IDH1: variants seen among roughly 807,000 people sequenced by gnomAD.
IDH1 encodes the protein isocitrate dehydrogenase (NADP(+)) 1, also known as isocitrate dehydrogenase [NADP] cytoplasmic.
Under a neutral mutation model 46.1 loss-of-function variants are expected in IDH1, and 33 were observed. That is an observed-to-expected ratio of 0.72 (90% CI 0.54 to 0.96). The LOEUF is 0.96. Ranked by LOEUF, IDH1 falls within the 40% of genes least tolerant of loss-of-function variation. The probability of loss-of-function intolerance (pLI) is 0.00; values close to 1 mark genes in which losing one functional copy is unlikely to be tolerated. For missense variants in IDH1, 421 were observed against 515.7 expected (o/e 0.82, Z 1.78); for synonymous variants, 144 against 172.8 (o/e 0.83, Z 1.31).
At chr2:208,251,383 C>A (rs2124867802) in intron 3 of IDH1, 47 bp downstream of exon 3, 1 of 1,608,020 alleles carries the variant, frequency 6.2e-7, no homozygotes, top group South Asian at 1.1e-5. Flanking sequence ...CATGCCCAGC[C>A]AGATTATCCT....
intron 3 of IDH1, among the ~76,000 whole-genome samples, chr2:208,250,054 A>G (rs1688094416): frequency 2.0e-5 from 3 of 151,880 alleles, no homozygotes; most frequent in East Asian, 1.9e-4. Flanking sequence ...TCTCCTGAAA[A>G]AGAACCAGTC....
intron 4 of IDH1, among the ~76,000 whole-genome samples, chr2:208,247,178 T>C (rs773657052): frequency 1.4e-4 from 21 of 152,170 alleles, no homozygotes; most frequent in Admixed American, 4.6e-4. Flanking sequence ...CTCAACACAC[T>C]GTTTTCAATG....
chr2:208,240,344 C>A (rs1241351605), intron 7 of IDH1: 2 of 297,842 alleles, frequency 6.7e-6, no homozygotes, highest in African/African-American at 4.3e-5. Context: ...GGAGTAATAA[C>A]AGCACCTACT....
At chr2:208,243,369 T>C (rs1185158100) in intron 6 of IDH1, 58 bp downstream of exon 6, 3 of 1,245,104 alleles carry the variant, frequency 2.4e-6, no homozygotes, top group Admixed American at 3.4e-5. Flanking sequence ...ACATACTCTA[T>C]ATGCAAATGT....
chr2:208,242,206 A>C, intron 6 of IDH1, 61 bp from the exon 7 acceptor site: 1 of 1,485,722 alleles, frequency 6.7e-7, no homozygotes, highest in South Asian at 1.1e-5. Context: ...TAGGGATATC[A>C]TCTGCTTGTC....
rs1687928416 is a variant in IDH1 at position 208,242,040 on chromosome 2, G to A, written c.804C>T (p.Ala268=). ...GCACGTCACCATCATAGTTTTTACA[G>A]GCCCAGATGAAGCCTCCCTCTGATT... ...AMKSEGGFIW[A]CKNYDGDVQS... is the part of the protein sequence containing the mutation. Residue 268 remains alanine, a synonymous_variant, in exon 7 of 10, where the codon GCC becomes GCT. Coordinates refer to ENST00000345146, the MANE Select transcript of IDH1 (RefSeq NM_005896.4). The A allele has an allele frequency of 4.3e-6, 7 of 1,612,956 alleles. No homozygotes were observed. The highest frequency in any genetic ancestry group is 5.1e-6 in the Non-Finnish European group (6 of 1,179,854).
intron 3 of IDH1, chr2:208,251,229 C>A: frequency 2.3e-6 from 1 of 428,580 alleles, no homozygotes; most frequent in Non-Finnish European, 4.1e-6. Context: ...TTTTTTTTTT[C>A]CTGTTTCTCC....
intron 3 of IDH1, among the ~76,000 whole-genome samples, chr2:208,251,035 A>G (rs1443648979): frequency 6.6e-6 from 1 of 152,230 alleles, no homozygotes; most frequent in Non-Finnish European, 1.5e-5. Flanking sequence ...GAAGAATCTG[A>G]AAATCATTCT....
chr2:208,252,700 G>A lies in IDH1; in HGVS notation c.-16-1133C>T, dbSNP rs534430448. Among the ~76,000 whole-genome samples the A allele has an allele frequency of 2.0e-3, 297 of 152,294 alleles. 1 individual carries two copies. Among genetic ancestry groups the A allele is most frequent in the African/African-American group, 6.7e-3 (277 of 41,566 alleles). The stretch of plus-strand genomic sequence containing the variant: ...AAAATAGTCTTTCTTGAAAAATTGA[G>A]CTAAAGTAATTTGGTCTTTAAATAA... On this transcript the variant is annotated intron_variant, in intron 2 of 9. Coordinates refer to ENST00000345146, the MANE Select transcript of IDH1 (RefSeq NM_005896.4).
intron 9 of IDH1, among the ~76,000 whole-genome samples, chr2:208,238,821 A>T (rs2124846755): frequency 6.6e-6 from 1 of 152,338 alleles, no homozygotes; most frequent in Non-Finnish European, 1.5e-5. Context: ...ACACCATTTG[A>T]TTCTGTATTG....
At chr2:208,243,820 T>C (rs572153143) in intron 5 of IDH1, among the ~76,000 whole-genome samples, 1 of 152,384 alleles carries the variant, frequency 6.6e-6, no homozygotes, top group South Asian at 2.1e-4. Context: ...TAACTTGTTT[T>C]GGAAGGACAG....
chr2:208,239,266 A>G (rs1339415533), intron 8 of IDH1, 33 bp from the exon 9 acceptor site: 4 of 1,609,756 alleles, frequency 2.5e-6, no homozygotes, highest in African/African-American at 1.3e-5. Context: ...CAACACTCCA[A>G]TCATCCTAGT....
intron 2 of IDH1, among the ~76,000 whole-genome samples, chr2:208,253,529 T>C (rs931582540): frequency 1.3e-5 from 2 of 152,212 alleles, no homozygotes; most frequent in Non-Finnish European, 2.9e-5. Context: ...TCATATGAAG[T>C]AGCTGAATCC....
chr2:208,251,349 G>C (rs1688119594), intron 3 of IDH1, 81 bp downstream of exon 3: 2 of 1,492,390 alleles, frequency 1.3e-6, no homozygotes, highest in Non-Finnish European at 1.9e-6. Flanking sequence ...CTCCTAAGTA[G>C]CTGGGACTTC....
At chr2:208,245,546 CTTTTTTTTTT>C (rs34363027) in intron 4 of IDH1, 122 bp from the exon 5 acceptor site, 5 of 337,356 alleles carry the variant, frequency 1.5e-5, no homozygotes, top group African/African-American at 9.7e-5. Context: ...TGTCAAACTT[CTTTTTTTTTT>C]TTTTTTTTTA....
At chr2:208,251,044 C>G (rs1021218286) in intron 3 of IDH1, among the ~76,000 whole-genome samples, 1 of 152,154 alleles carries the variant, frequency 6.6e-6, no homozygotes, top group Non-Finnish European at 1.5e-5. Context: ...GAAAATCATT[C>G]TTTCCCTTAT....
At chr2:208,240,374 T>C in intron 7 of IDH1, 1 of 238,654 alleles carries the variant, frequency 4.2e-6, no homozygotes, top group African/African-American at 2.2e-5. Context: ...TGCTGTGGGA[T>C]TAGATAAATA....
chr2:208,241,683 G>GT (rs1286110715), intron 7 of IDH1, among the ~76,000 whole-genome samples: 2 of 152,028 alleles, frequency 1.3e-5, no homozygotes, highest in East Asian at 1.9e-4. Context: ...GAGTGCCCTG[G>GT]TTTTTTACAT....
At chr2:208,254,890 A>G (rs1574413962) in intron 1 of IDH1, 49 bp downstream of exon 1, 1 of 151,638 alleles carries the variant, frequency 6.6e-6, no homozygotes. Context: ...AATTAGAGCC[A>G]CCCCTCCACA....
Sources: gnomAD v4.1 joint callset for allele counts (sites outside exome capture counted in the v4.1 genomes callset) on GRCh38, gnomAD v4.1.1 for gene constraint, MANE v1.5 for transcripts, NCBI Gene and HGNC (gene_info 2026-07-23, HGNC 2026-07-21) for gene names.